The following TMEM200A variants were observed in gnomAD, a reference collection of about 807,000 sequenced individuals.
TMEM200A encodes transmembrane protein 200A.
In TMEM200A, 12 loss-of-function variants were observed where a neutral mutation model predicts 24.3. That is an observed-to-expected ratio of 0.49 (90% CI 0.32 to 0.80). The LOEUF is 0.80. Among genes scored for constraint, TMEM200A ranks in the 30% least tolerant of loss-of-function variants. The pLI is 0.04. For synonymous variants in TMEM200A, 224 were observed against 224.4 expected (o/e 1.00, Z 0.02); for missense variants, 545 against 614.4 (o/e 0.89, Z 1.19).
At position 130,377,473 on chromosome 6, in the gene TMEM200A, G is replaced by T. The variant is rs576215023; in HGVS notation, c.-80-7700G>T. ...TATTTGGCAGGAGACCCATCTAGCTGCAGGCCTCTGGGACTCATCCCTACC... is the reference window on the plus strand; with the variant it reads ...TATTTGGCAGGAGACCCATCTAGCTTCAGGCCTCTGGGACTCATCCCTACC... On this transcript the variant is annotated intron_variant, in intron 1 of 2. Coordinates refer to ENST00000296978, the MANE Select transcript of TMEM200A (RefSeq NM_001258277.2). Among the ~76,000 whole-genome samples the T allele has an allele frequency of 1.1e-4, 17 of 152,228 alleles. 1 individual carries two copies. In the Middle Eastern group the frequency reaches 0.017, roughly 152 times the overall value.
At chr6:130,373,236 T>C (rs1778361980) in intron 1 of TMEM200A, among the ~76,000 whole-genome samples, 1 of 152,166 alleles carries the variant, frequency 6.6e-6, no homozygotes, top group Non-Finnish European at 1.5e-5. Context: ...TGCAAGTATT[T>C]GCAATAAAAT....
chr6:130,367,106 C>G (rs1562545257), intron 1 of TMEM200A, among the ~76,000 whole-genome samples: 1 of 152,078 alleles, frequency 6.6e-6, no homozygotes, highest in African/African-American at 2.4e-5. Context: ...GTGTATTTAC[C>G]GCTGTTTGAT....
chr6:130,387,859 C>A (rs1386650757), intron 2 of TMEM200A, among the ~76,000 whole-genome samples: 3 of 152,162 alleles, frequency 2.0e-5, no homozygotes, highest in Admixed American at 2.0e-4. Context: ...CTTCTGGTGT[C>A]TTTTCTCTTA....
chr6:130,398,533 G>T (rs975207061), intron 2 of TMEM200A, among the ~76,000 whole-genome samples: 14 of 151,924 alleles, frequency 9.2e-5, no homozygotes, highest in African/African-American at 3.1e-4. Flanking sequence ...TTGAATGGTA[G>T]TTCTAAGTTA....
intron 2 of TMEM200A, among the ~76,000 whole-genome samples, chr6:130,425,410 T>C (rs766743810): frequency 6.6e-5 from 10 of 152,194 alleles, no homozygotes; most frequent in Non-Finnish European, 1.5e-4. Flanking sequence ...GAATTAAGAA[T>C]GCTATTTGAT....
intron 2 of TMEM200A, among the ~76,000 whole-genome samples, chr6:130,427,597 A>G (rs1377377431): frequency 6.6e-6 from 1 of 152,098 alleles, no homozygotes; most frequent in Non-Finnish European, 1.5e-5. Flanking sequence ...GGGAATGGAC[A>G]TTTCGATTTT....
At chr6:130,426,755 G>A (rs746674591) in intron 2 of TMEM200A, among the ~76,000 whole-genome samples, 9 of 152,162 alleles carry the variant, frequency 5.9e-5, no homozygotes, top group Non-Finnish European at 1.2e-4. Context: ...GATGACCCAG[G>A]TGCAGAGAAA....
chr6:130,396,596 C>G (rs1778960273), intron 2 of TMEM200A, among the ~76,000 whole-genome samples: 1 of 151,832 alleles, frequency 6.6e-6, no homozygotes, highest in African/African-American at 2.4e-5. Context: ...TAAAAAATAT[C>G]AAAACCATAT....
intron 2 of TMEM200A, among the ~76,000 whole-genome samples, chr6:130,435,750 A>C (rs1379121081): frequency 6.6e-6 from 1 of 152,228 alleles, no homozygotes; most frequent in Admixed American, 6.5e-5. Context: ...TAACAAAATG[A>C]AATTCAGTGT....
chr6:130,392,854 CTTGAT>C (rs1778866810), intron 2 of TMEM200A, among the ~76,000 whole-genome samples: 3 of 152,152 alleles, frequency 2.0e-5, no homozygotes, highest in Admixed American at 6.5e-5. Flanking sequence ...ACTTGTGTTT[CTTGAT>C]TTATTTCCCC....
Position 130,366,243 on chromosome 6 carries a change from C to T in TMEM200A, c.-362C>T, listed in dbSNP as rs1454041236. The stretch of plus-strand genomic sequence containing the variant: ...CCTGCCCCGAGGCCTCCGGTGCCCC[C>T]CCGGCGCGGGCATAGGGGCGCCCCC... On this transcript the variant is annotated 5_prime_UTR_variant, in exon 1 of 3. Coordinates refer to ENST00000296978, the MANE Select transcript of TMEM200A (RefSeq NM_001258277.2). The surrounding 1 kb of genome is among the most constrained non-coding windows in gnomAD (Gnocchi z 4.4). The T allele has an allele frequency of 3.0e-6, 3 of 985,318 alleles. No homozygotes were observed. The highest frequency in any genetic ancestry group is 3.6e-6 in the Non-Finnish European group (3 of 829,976). The allele number at this position is 985,318 out of a possible 1,614,324, so 61.0% of individuals were successfully genotyped here. A position where few individuals can be genotyped will look rare whatever the true frequency, so the allele number is the denominator to read the frequency against.
At chr6:130,371,710 G>T (rs74407688) in intron 1 of TMEM200A, among the ~76,000 whole-genome samples, 2 of 152,326 alleles carry the variant, frequency 1.3e-5, no homozygotes, top group African/African-American at 4.8e-5. Context: ...AGGGTTTGGG[G>T]TATAGCAAGG....
intron 2 of TMEM200A, among the ~76,000 whole-genome samples, chr6:130,422,611 T>G (rs1015435400): frequency 2.6e-5 from 4 of 152,186 alleles, no homozygotes; most frequent in African/African-American, 9.6e-5. Flanking sequence ...GAAATGATCC[T>G]AATTATTTCT....
chr6:130,384,531 T>C (rs193231517), intron 1 of TMEM200A, among the ~76,000 whole-genome samples: 2,563 of 152,224 alleles, frequency 0.017, 34 homozygotes, highest in South Asian at 0.028. Flanking sequence ...AGGCTGGTCT[T>C]GAACTCCTGA....
At chr6:130,373,938 C>T (rs1045734095) in intron 1 of TMEM200A, among the ~76,000 whole-genome samples, 1 of 152,172 alleles carries the variant, frequency 6.6e-6, no homozygotes, top group Non-Finnish European at 1.5e-5. Flanking sequence ...TTTATGCTAA[C>T]TGCTGATTTT....
intron 2 of TMEM200A, chr6:130,437,309 A>G (rs570499377): frequency 1.3e-5 from 2 of 152,268 alleles, no homozygotes; most frequent in East Asian, 3.9e-4. Context: ...TCTATGTGCT[A>G]TCTCCTGTGT....
chr6:130,427,561 G>A (rs1312144710), intron 2 of TMEM200A, among the ~76,000 whole-genome samples: 1 of 151,976 alleles, frequency 6.6e-6, no homozygotes, highest in Non-Finnish European at 1.5e-5. Context: ...AGGGAAATTG[G>A]CAGTCAGCAG....
Position 130,440,816 on chromosome 6 carries a change from A to G in TMEM200A, c.394A>G (p.Thr132Ala). The change falls in exon 3 of 3, where the codon ACC becomes GCC. Residue 132 changes from threonine (T) to alanine (A), a missense_variant. Physicochemically the swap from Thr to Ala is moderately conservative, Grantham distance 58 (BLOSUM62 0). Transcript: ENST00000296978. The part of the protein sequence containing the change: ...SDKMKMLGPF[T>A]MGIGIFIFIC... ...TAAGATGAAAATGCTTGGCCCATTC[A>G]CCATGGGGATTGGCATTTTCATTTT... 1 of 1,613,874 alleles carries G rather than the reference A, an allele frequency of 6.2e-7. No individual in the cohort carries two copies. Among genetic ancestry groups the G allele is most frequent in the African/African-American group, 1.3e-5 (1 of 75,032 alleles).
chr6:130,440,879 A>T lies in TMEM200A; in HGVS notation c.457A>T (p.Lys153Ter). 6.2e-7 allele frequency: 1 copy of T among 1,614,098 alleles called. No individual in the cohort carries two copies. The change falls in exon 3 of 3, where the codon AAA becomes TAA. Residue 153 changes from lysine (K) to a stop codon, truncating the protein, a stop_gained. Coordinates refer to ENST00000296978, the MANE Select transcript of TMEM200A (RefSeq NM_001258277.2). LOFTEE classifies it high-confidence loss of function. ...TGCCATTCTTCATGAAAACCGTGAC[A>T]AAGAGACCAAAATCATACACATGAG... is the stretch of plus-strand genomic sequence containing the variant. ...ANAILHENRDKETKIIHMRDI... is the reference protein window; with the variant it reads ...ANAILHENRD
Sources: allele counts gnomAD v4.1 joint callset (sites outside exome capture counted in the v4.1 genomes callset), GRCh38; gene constraint gnomAD v4.1.1; non-coding constraint Gnocchi (gnomAD v3.1); transcripts MANE v1.5; gene names NCBI Gene and HGNC (gene_info 2026-07-23, HGNC 2026-07-21).